The following SETBP1 variants were observed in gnomAD, a reference collection of about 807,000 sequenced individuals.
SETBP1 encodes the protein SET binding protein 1.
SETBP1 carries 9 observed loss-of-function variants against 101.0 expected under a neutral mutation model. The ratio of observed to expected loss-of-function variants is 0.09; its 90% CI spans 0.05 to 0.16. SETBP1 has a LOEUF of 0.16. Ranked by LOEUF, SETBP1 falls within the 10% of genes least tolerant of loss-of-function variation. The pLI is 1.00. For missense variants in SETBP1, 1,858 were observed against 2,033.8 expected, an observed-to-expected ratio of 0.91 and a Z score of 1.66; for synonymous variants, 818 against 788.5, an observed-to-expected ratio of 1.04 and a Z score of -0.63.
intron 4 of SETBP1, among the ~76,000 whole-genome samples, chr18:44,956,795 T>G (rs2071492980): frequency 6.6e-6 from 1 of 152,212 alleles, no homozygotes; most frequent in Non-Finnish European, 1.5e-5. Flanking sequence ...TAGCAGCAGT[T>G]GCACACTCCA....
chr18:44,811,597 A>G (rs566278200), intron 2 of SETBP1, among the ~76,000 whole-genome samples: 40 of 152,366 alleles, frequency 2.6e-4, no homozygotes, highest in African/African-American at 8.9e-4. Flanking sequence ...AAGTGGAACT[A>G]TGACTGCTGA....
At chr18:44,845,192 T>C (rs1327118853) in intron 2 of SETBP1, among the ~76,000 whole-genome samples, 2 of 152,182 alleles carry the variant, frequency 1.3e-5, no homozygotes, top group Non-Finnish European at 2.9e-5. Context: ...AGTGTGGTTA[T>C]TGGGCCAGAT....
chr18:44,965,356 A>G (rs770080588), intron 4 of SETBP1, among the ~76,000 whole-genome samples: 35 of 151,764 alleles, frequency 2.3e-4, no homozygotes, highest in Admixed American at 1.1e-3. Flanking sequence ...CTCATTGGTC[A>G]GTGTTGCCAT....
chr18:44,933,150 T>C (rs1229337688), intron 3 of SETBP1, among the ~76,000 whole-genome samples: 1 of 152,244 alleles, frequency 6.6e-6, no homozygotes, highest in Non-Finnish European at 1.5e-5. Context: ...GTCCTTTCTG[T>C]TTGTTAGTTT....
intron 5 of SETBP1, among the ~76,000 whole-genome samples, chr18:45,061,238 C>T (rs1426346871): frequency 6.6e-6 from 1 of 152,146 alleles, no homozygotes; most frequent in Non-Finnish European, 1.5e-5. Context: ...AACTAGAACT[C>T]TTCTAGGGAA....
intron 3 of SETBP1, among the ~76,000 whole-genome samples, chr18:44,906,511 A>G (rs919325082): frequency 2.0e-5 from 3 of 152,232 alleles, no homozygotes; most frequent in Non-Finnish European, 4.4e-5. Context: ...AGGCACAGAA[A>G]AAAATGTCCT....
chr18:44,925,087 C>T (rs1456953153), intron 3 of SETBP1, among the ~76,000 whole-genome samples: 3 of 129,180 alleles, frequency 2.3e-5, no homozygotes. Context: ...GGGAAAGTTG[C>T]TACAGTTCTG....
chr18:44,884,217 T>C (rs2069591396), intron 3 of SETBP1, among the ~76,000 whole-genome samples: 2 of 152,198 alleles, frequency 1.3e-5, no homozygotes, highest in Non-Finnish European at 1.5e-5. Flanking sequence ...AATGACCTTG[T>C]TCAAGGTGGA....
intron 2 of SETBP1, among the ~76,000 whole-genome samples, chr18:44,808,867 A>G (rs185097488): frequency 6.6e-6 from 1 of 152,336 alleles, no homozygotes; most frequent in East Asian, 1.9e-4. Context: ...GGGAGTTGCT[A>G]CAAATCCTTG....
At chr18:44,916,728 A>G (rs1006320204) in intron 3 of SETBP1, among the ~76,000 whole-genome samples, 1 of 152,240 alleles carries the variant, frequency 6.6e-6, no homozygotes, top group Non-Finnish European at 1.5e-5. Flanking sequence ...CAGAAAATCT[A>G]TATTTAACTC....
At chr18:45,021,200 C>T (rs1345044660) in intron 4 of SETBP1, among the ~76,000 whole-genome samples, 2 of 152,198 alleles carry the variant, frequency 1.3e-5, no homozygotes, top group Non-Finnish European at 2.9e-5. Context: ...ACTGGACTGA[C>T]TTCAGTTTGC....
intron 5 of SETBP1, among the ~76,000 whole-genome samples, chr18:45,045,923 G>A (rs2073603328): frequency 6.6e-6 from 1 of 151,934 alleles, no homozygotes; most frequent in Admixed American, 6.6e-5. Flanking sequence ...CACCTCTCAT[G>A]CCCTTTGAAT....
chr18:44,898,573 TGGGGAAG>T (rs1016629340), intron 3 of SETBP1, among the ~76,000 whole-genome samples: 5 of 152,098 alleles, frequency 3.3e-5, no homozygotes, highest in African/African-American at 1.2e-4. Context: ...TTCCTGAGTT[TGGGGAAG>T]GAAGCCAGGA....
chr18:44,681,347 C>T (rs568871083), intron 1 of SETBP1, among the ~76,000 whole-genome samples: 1 of 152,232 alleles, frequency 6.6e-6, no homozygotes, highest in East Asian at 1.9e-4. Flanking sequence ...AGAAGTTCCG[C>T]AGGGACAAAG....
At chr18:44,959,528 C>G (rs1244790007) in intron 4 of SETBP1, among the ~76,000 whole-genome samples, 1 of 152,106 alleles carries the variant, frequency 6.6e-6, no homozygotes, top group African/African-American at 2.4e-5. Flanking sequence ...ATGAGTAACT[C>G]AATGTTTTTG....
At chr18:44,793,919 A>G (rs1035746642) in intron 2 of SETBP1, among the ~76,000 whole-genome samples, 5 of 152,184 alleles carry the variant, frequency 3.3e-5, no homozygotes, top group African/African-American at 1.2e-4. Context: ...TTTTTAGTTC[A>G]TGATATACTT....
At chr18:44,874,771 A>G (rs1178183090) in intron 3 of SETBP1, among the ~76,000 whole-genome samples, 1 of 152,134 alleles carries the variant, frequency 6.6e-6, no homozygotes, top group Non-Finnish European at 1.5e-5. Flanking sequence ...CTCAGAGATC[A>G]TCAGAGGACA....
chr18:44,891,611 T>A (rs1299378085), intron 3 of SETBP1, among the ~76,000 whole-genome samples: 2 of 150,680 alleles, frequency 1.3e-5, no homozygotes, highest in Non-Finnish European at 3.0e-5. Flanking sequence ...GTAACTATGC[T>A]GTTAACTCAG....
At chr18:44,734,640 A>G (rs1269128899) in intron 2 of SETBP1, among the ~76,000 whole-genome samples, 1 of 151,960 alleles carries the variant, frequency 6.6e-6, no homozygotes. Flanking sequence ...TATCTAGTCA[A>G]TACTTACCTC....
Sources: allele counts gnomAD v4.1 joint callset (sites outside exome capture counted in the v4.1 genomes callset), GRCh38; gene constraint gnomAD v4.1.1; transcripts MANE v1.5; gene names NCBI Gene and HGNC (gene_info 2026-07-23, HGNC 2026-07-21).